The following THSD7B variants were observed in gnomAD, a reference collection of about 807,000 sequenced individuals.
The protein encoded by THSD7B is thrombospondin type 1 domain containing 7B.
In THSD7B, 138 loss-of-function variants were observed where a neutral mutation model predicts 213.6. The observed-to-expected ratio is 0.65, with a 90% CI of 0.56 to 0.74. THSD7B has a LOEUF of 0.74. THSD7B is among the 30% of genes least tolerant of loss of function. THSD7B has a pLI of 0.00. For missense variants in THSD7B, 1,931 were observed against 1,991.5 expected, an observed-to-expected ratio of 0.97 and a Z score of 0.58; for synonymous variants, 742 against 687.0, an observed-to-expected ratio of 1.08 and a Z score of -1.25.
In THSD7B at chr2:137,115,396, C is replaced by T. The variant is rs569206293; in HGVS notation, c.1369+103C>T. The T allele has an allele frequency of 3.3e-5, 41 of 1,229,590 alleles. No homozygotes were observed. The African/African-American group carries it at 6.0e-4, about 18-fold the overall frequency. The allele number at this position is 1,229,590 out of a possible 1,614,324, so 76.2% of individuals were successfully genotyped here. A position where few individuals can be genotyped will look rare whatever the true frequency, so the allele number is the denominator to read the frequency against. ...TGAAATAAGTGACACTTAGCATTCA[C>T]ACATTTAATATTTATTTTGTTGACC... On this transcript the variant is annotated intron_variant, in intron 5 of 27. Coordinates refer to ENST00000409968, the MANE Select transcript of THSD7B (RefSeq NM_001316349.2).
At chr2:136,878,281 T>A (rs891615416) in intron 1 of THSD7B, among the ~76,000 whole-genome samples, 4 of 152,242 alleles carry the variant, frequency 2.6e-5, no homozygotes, top group African/African-American at 9.6e-5. Context: ...TATTCCATGG[T>A]GTATATGTGC....
At chr2:137,175,681 G>A (rs918761632) in intron 7 of THSD7B, among the ~76,000 whole-genome samples, 1 of 152,128 alleles carries the variant, frequency 6.6e-6, no homozygotes, top group Admixed American at 6.6e-5. Context: ...GCATGTACTT[G>A]TAAGCTCTAA....
At chr2:136,877,291 G>C in intron 1 of THSD7B, among the ~76,000 whole-genome samples, 1 of 152,146 alleles carries the variant, frequency 6.6e-6, no homozygotes, top group East Asian at 1.9e-4. Context: ...CTAATTTTTA[G>C]CAAAAGCGCA....
intron 10 of THSD7B, among the ~76,000 whole-genome samples, chr2:137,264,112 A>C (rs575239689): frequency 1.3e-5 from 2 of 152,320 alleles, no homozygotes; most frequent in African/African-American, 4.8e-5. Context: ...ACAAATATTT[A>C]TTAATGATGA....
intron 2 of THSD7B, among the ~76,000 whole-genome samples, chr2:137,038,590 T>C (rs1224350327): frequency 6.6e-6 from 1 of 152,176 alleles, no homozygotes; most frequent in African/African-American, 2.4e-5. Context: ...CATTTCTAAG[T>C]TGTGTTTCTG....
Position 137,170,791 on chromosome 2 carries a change from G to C in THSD7B, c.1576G>C (p.Gly526Arg), listed in dbSNP as rs767248219. The part of the protein sequence containing the change: ...HVLMESTGPA[G>R]HCPHLVESVP... ...CCTCATGGAATCTACAGGGCCTGCA[G>C]GGCATTGCCCTCATTTGGTGGAGTC... The change falls in exon 7 of 28, where the codon GGG (glycine) becomes CGG (arginine). Residue 526 changes from glycine to arginine, a missense_variant. By Grantham distance (125) the Gly-to-Arg change is moderately radical. Coordinates refer to ENST00000409968, the MANE Select transcript of THSD7B (RefSeq NM_001316349.2). The C allele has an allele frequency of 2.5e-6, 4 of 1,613,572 alleles. No individual in the cohort carries two copies. The highest frequency in any genetic ancestry group is 3.4e-6 in the Non-Finnish European group (4 of 1,179,744).
At chr2:137,169,338 T>C (rs1405400938) in intron 6 of THSD7B, among the ~76,000 whole-genome samples, 2 of 151,884 alleles carry the variant, frequency 1.3e-5, no homozygotes, top group Non-Finnish European at 2.9e-5. Context: ...TGTAGCTTTT[T>C]CTTGTTTCTC....
At chr2:137,459,144 G>A (rs1369960489) in intron 15 of THSD7B, among the ~76,000 whole-genome samples, 2 of 151,658 alleles carry the variant, frequency 1.3e-5, no homozygotes, top group South Asian at 4.2e-4. Context: ...CAAACCGATG[G>A]GAGTACAGTA....
chr2:137,454,531 T>G (rs989303955), intron 15 of THSD7B, among the ~76,000 whole-genome samples: 1 of 152,076 alleles, frequency 6.6e-6, no homozygotes, highest in African/African-American at 2.4e-5. Flanking sequence ...GACTTCATTA[T>G]ACATTTGTTC....
intron 15 of THSD7B, among the ~76,000 whole-genome samples, chr2:137,483,713 A>C (rs1029638670): frequency 2.6e-5 from 4 of 152,204 alleles, no homozygotes; most frequent in African/African-American, 9.7e-5. Flanking sequence ...TGATTCTAAC[A>C]AGTAGAAAAT....
chr2:137,457,714 TAA>T (rs1212334873), intron 15 of THSD7B, among the ~76,000 whole-genome samples: 1 of 152,180 alleles, frequency 6.6e-6, no homozygotes, highest in Non-Finnish European at 1.5e-5. Context: ...AAGCTTTAAA[TAA>T]AGAGTGAAAA....
intron 17 of THSD7B, among the ~76,000 whole-genome samples, chr2:137,593,600 T>C (rs1193146150): frequency 1.3e-5 from 2 of 151,974 alleles, no homozygotes; most frequent in African/African-American, 4.8e-5. Context: ...TGAAGTCACA[T>C]GCCTATTTTT....
intron 12 of THSD7B, among the ~76,000 whole-genome samples, chr2:137,328,586 G>T (rs1053353216): frequency 6.6e-6 from 1 of 152,116 alleles, no homozygotes; most frequent in Admixed American, 6.6e-5. Flanking sequence ...CTGGTGTTTT[G>T]TCTAGTGACA....
chr2:137,360,783 A>G (rs1465012090), intron 12 of THSD7B, among the ~76,000 whole-genome samples: 1 of 152,212 alleles, frequency 6.6e-6, no homozygotes, highest in Non-Finnish European at 1.5e-5. Flanking sequence ...GGGGCAGGGC[A>G]TAGCTGAACA....
intron 2 of THSD7B, among the ~76,000 whole-genome samples, chr2:136,913,429 C>T (rs188034052): frequency 2.6e-5 from 4 of 152,318 alleles, no homozygotes; most frequent in African/African-American, 4.8e-5. Context: ...AGAAACTTAA[C>T]GTAAGTAGCA....
chr2:137,461,286 A>G (rs1250383479), intron 15 of THSD7B, among the ~76,000 whole-genome samples: 5 of 152,134 alleles, frequency 3.3e-5, no homozygotes, highest in Non-Finnish European at 7.4e-5. Context: ...TCAGTAAGCA[A>G]TTGGCATTTC....
At chr2:136,931,789 A>T (rs184868905) in intron 2 of THSD7B, among the ~76,000 whole-genome samples, 275 of 152,340 alleles carry the variant, frequency 1.8e-3, no homozygotes, top group South Asian at 3.7e-3. Flanking sequence ...AAGAGGCAGT[A>T]AAAGTAAACC....
intron 15 of THSD7B, among the ~76,000 whole-genome samples, chr2:137,522,474 A>C (rs1368962323): frequency 2.0e-5 from 3 of 152,098 alleles, no homozygotes; most frequent in Admixed American, 1.3e-4. Context: ...GAGGTGCTTG[A>C]TGAATGTTTC....
At chr2:136,937,202 G>C (rs1472158734) in intron 2 of THSD7B, among the ~76,000 whole-genome samples, 1 of 151,848 alleles carries the variant, frequency 6.6e-6, no homozygotes, top group Non-Finnish European at 1.5e-5. Flanking sequence ...CATTTACTCA[G>C]ATTGGAATTC....
Sources: gnomAD v4.1 joint callset for allele counts (sites outside exome capture counted in the v4.1 genomes callset) on GRCh38, gnomAD v4.1.1 for gene constraint, MANE v1.5 for transcripts, NCBI Gene and HGNC (gene_info 2026-07-23, HGNC 2026-07-21) for gene names.